Variants in DUSP14 observed in about 807,000 individuals in gnomAD.
DUSP14 encodes the protein dual specificity protein phosphatase 14.
Under a neutral mutation model 13.2 loss-of-function variants are expected in DUSP14, and 5 were observed. That is an observed-to-expected ratio of 0.38 (90% CI 0.20 to 0.80). The LOEUF is 0.80. Ranked by LOEUF, DUSP14 falls within the 30% of genes least tolerant of loss-of-function variation. DUSP14 has a pLI of 0.44. For synonymous variants in DUSP14, 91 were observed against 103.4 expected (o/e 0.88, Z 0.73); for missense variants, 185 against 264.0 (o/e 0.70, Z 2.07).
chr17:37,497,894 A>T (rs529035505), intron 1 of DUSP14, among the ~76,000 whole-genome samples: 23 of 152,162 alleles, frequency 1.5e-4, no homozygotes, highest in Non-Finnish European at 3.1e-4. Flanking sequence ...TCTCTACAAA[A>T]AATTAGCCAG....
chr17:37,509,293 A>AG (rs1342512361), intron 1 of DUSP14, among the ~76,000 whole-genome samples: 15 of 25,076 alleles, frequency 6.0e-4, no homozygotes, highest in Non-Finnish European at 9.1e-4. Context: ...ATATATATAT[A>AG]TATAGTGTGT....
chr17:37,489,301 C>A (rs561944607), upstream of DUSP14, among the ~76,000 whole-genome samples: 5 of 152,162 alleles, frequency 3.3e-5, no homozygotes, highest in South Asian at 8.3e-4. Context: ...GAGATGCGCA[C>A]GGAGGTTGCA....
chr17:37,500,784 C>CT (rs1698868530), intron 1 of DUSP14, among the ~76,000 whole-genome samples: 2 of 152,106 alleles, frequency 1.3e-5, no homozygotes, highest in African/African-American at 4.8e-5. Context: ...CTTTTGCGAG[C>CT]TTTTTATTGG....
chr17:37,489,659 G>C (rs1043340821), upstream of DUSP14, among the ~76,000 whole-genome samples: 3 of 151,982 alleles, frequency 2.0e-5, no homozygotes, highest in Non-Finnish European at 4.4e-5. Flanking sequence ...GACCTGCACG[G>C]AGGAGCGCTC....
At chr17:37,489,672 G>A (rs1014316845), upstream of DUSP14, among the ~76,000 whole-genome samples, 1 of 151,834 alleles carries the variant, frequency 6.6e-6, no homozygotes, top group African/African-American at 2.4e-5. Context: ...GAGCGCTCTA[G>A]GGGAGGCTGC....
intron 1 of DUSP14, among the ~76,000 whole-genome samples, chr17:37,503,260 A>G (rs1343088063): frequency 6.6e-6 from 1 of 152,160 alleles, no homozygotes; most frequent in African/African-American, 2.4e-5. Context: ...CCCTGTCTCT[A>G]TAAAAAATAC....
intron 2 of DUSP14, among the ~76,000 whole-genome samples, chr17:37,511,758 A>T (rs891507256): frequency 6.7e-6 from 1 of 148,542 alleles, no homozygotes; most frequent in African/African-American, 2.5e-5. Context: ...CAGCTAATTA[A>T]AAAAAAATAA....
At chr17:37,490,950 A>G (rs1414395807) in intron 1 of DUSP14, among the ~76,000 whole-genome samples, 1 of 152,184 alleles carries the variant, frequency 6.6e-6, no homozygotes, top group Admixed American at 6.5e-5. Context: ...AAGGCCACTC[A>G]GAAGTATGAT....
chr17:37,494,429 C>T (rs988750973), intron 1 of DUSP14, among the ~76,000 whole-genome samples: 4 of 152,130 alleles, frequency 2.6e-5, no homozygotes, highest in Admixed American at 6.6e-5. Context: ...TCAGGCTGGC[C>T]TTGAACTGCT....
intron 1 of DUSP14, among the ~76,000 whole-genome samples, chr17:37,505,953 T>C (rs1021300372): frequency 2.0e-5 from 3 of 152,122 alleles, no homozygotes; most frequent in Non-Finnish European, 4.4e-5. Context: ...ACCAGCATCG[T>C]CTCTGAGAAG....
At chr17:37,491,027 C>CT (rs765824481) in intron 1 of DUSP14, among the ~76,000 whole-genome samples, 10 of 152,144 alleles carry the variant, frequency 6.6e-5, no homozygotes, top group Non-Finnish European at 1.2e-4. Flanking sequence ...CGAGGCCAGC[C>CT]GGCAGCTCCA....
chr17:37,491,539 T>C (rs916448310), intron 1 of DUSP14: 7 of 152,332 alleles, frequency 4.6e-5, no homozygotes, highest in Middle Eastern at 6.8e-3. Context: ...CTGGAGACAG[T>C]TTCCTTCATT....
intron 1 of DUSP14, 114 bp downstream of exon 1, chr17:37,490,072 G>A (rs1200744016): frequency 6.6e-6 from 1 of 151,402 alleles, no homozygotes; most frequent in Non-Finnish European, 1.5e-5. Flanking sequence ...AGAGGCCCGC[G>A]CGACCCCGCC....
upstream of DUSP14, chr17:37,489,701 G>T (rs374059308): frequency 2.6e-5 from 4 of 151,702 alleles, no homozygotes; most frequent in East Asian, 5.8e-4. Context: ...GAGCTAGGGC[G>T]CGCCCGGACC....
At chr17:37,509,221 A>C (rs561820935) in intron 1 of DUSP14, among the ~76,000 whole-genome samples, 3 of 106,398 alleles carry the variant, frequency 2.8e-5, no homozygotes, top group Admixed American at 9.0e-5. Flanking sequence ...TATATACACT[A>C]TATATACACA....
intron 1 of DUSP14, among the ~76,000 whole-genome samples, chr17:37,490,846 G>C (rs1420505607): frequency 6.6e-6 from 1 of 152,094 alleles, no homozygotes; most frequent in Non-Finnish European, 1.5e-5. Flanking sequence ...ATGTAAAAAC[G>C]GAGGCGAAGA....
chr17:37,498,776 C>G (rs1299467414), intron 1 of DUSP14, among the ~76,000 whole-genome samples: 1 of 150,918 alleles, frequency 6.6e-6, no homozygotes, highest in Admixed American at 6.6e-5. Context: ...TCAGATTACT[C>G]TTAATAATAT....
At chr17:37,511,144 A>G (rs2054182109) in intron 2 of DUSP14, among the ~76,000 whole-genome samples, 1 of 152,156 alleles carries the variant, frequency 6.6e-6, no homozygotes, top group African/African-American at 2.4e-5. Flanking sequence ...AGCCACACCC[A>G]AGGTCAGGTC....
At chr17:37,497,617 G>A (rs572514578) in intron 1 of DUSP14, among the ~76,000 whole-genome samples, 8 of 151,706 alleles carry the variant, frequency 5.3e-5, no homozygotes, top group East Asian at 3.9e-4. Flanking sequence ...CAAATTAACC[G>A]GATGTGGTGG....
Sources: allele counts gnomAD v4.1 joint callset (sites outside exome capture counted in the v4.1 genomes callset), GRCh38; gene constraint gnomAD v4.1.1; transcripts MANE v1.5; gene names NCBI Gene and HGNC (gene_info 2026-07-23, HGNC 2026-07-21).